Variants in CYSLTR1 observed in about 807,000 individuals in gnomAD.
The protein encoded by CYSLTR1 is G-protein coupled receptor HG55.
Under a neutral mutation model 2.1 loss-of-function variants are expected in CYSLTR1, and 1 was observed. The ratio of observed to expected loss-of-function variants is 0.48; its 90% CI spans 0.17 to 2.28. The LOEUF (loss-of-function observed/expected upper bound fraction) is 2.28, where lower values mean the gene tolerates loss of function less well. Among genes scored for constraint, CYSLTR1 ranks in the 30% most tolerant of loss-of-function variants. The probability of loss-of-function intolerance (pLI) is 0.26; values close to 1 mark genes in which losing one functional copy is unlikely to be tolerated. For missense variants in CYSLTR1, 299 were observed against 250.1 expected, an observed-to-expected ratio of 1.20 and a Z score of -1.32; for synonymous variants, 110 against 89.6, an observed-to-expected ratio of 1.23 and a Z score of -1.28.
intron 1 of CYSLTR1, among the ~76,000 whole-genome samples, 155 bp from the exon 2 acceptor site, chrX:78,283,695 CCTT>C (rs754720502): frequency 4.4e-4 from 49 of 112,134 alleles, no homozygotes; most frequent in Non-Finnish European, 6.0e-4. Flanking sequence ...TTCTGTGTCT[CCTT>C]CTTTTTTCTC....
chrX:78,284,668 C>G (rs1251642472), intron 1 of CYSLTR1, among the ~76,000 whole-genome samples: 1 of 107,692 alleles, frequency 9.3e-6, no homozygotes, highest in African/African-American at 3.4e-5. Flanking sequence ...TCCCAAAGTG[C>G]TGGGACTGCA....
intron 1 of CYSLTR1, chrX:78,321,471 A>C (rs1386907085): frequency 9.1e-6 from 1 of 110,363 alleles, no homozygotes; most frequent in Non-Finnish European, 1.9e-5. Flanking sequence ...TGAGTGAATC[A>C]CCTGAGGTCG....
At chrX:78,293,555 TA>T (rs1443604198) in intron 1 of CYSLTR1, among the ~76,000 whole-genome samples, 1 of 112,005 alleles carries the variant, frequency 8.9e-6, no homozygotes, top group African/African-American at 3.2e-5. Flanking sequence ...TTCTCTTGGA[TA>T]ATACCCCGAA....
At chrX:78,275,204 T>A (rs1921525697) in intron 2 of CYSLTR1, among the ~76,000 whole-genome samples, 1 of 112,088 alleles carries the variant, frequency 8.9e-6, no homozygotes, top group South Asian at 3.7e-4. Context: ...AGAAATATCA[T>A]TTGACCAAGC....
intron 1 of CYSLTR1, among the ~76,000 whole-genome samples, chrX:78,303,419 T>TA (rs1315573693): frequency 9.2e-6 from 1 of 108,403 alleles, no homozygotes; most frequent in Non-Finnish European, 1.9e-5. Context: ...TTACAAAGGT[T>TA]TTTTTTTAAT....
intron 1 of CYSLTR1, among the ~76,000 whole-genome samples, chrX:78,301,639 T>C (rs757848620): frequency 1.5e-4 from 17 of 111,997 alleles, no homozygotes; most frequent in African/African-American, 5.5e-4. Context: ...ATTCAACAAG[T>C]CTCTTGGAAG....
intron 1 of CYSLTR1, among the ~76,000 whole-genome samples, chrX:78,304,502 A>G (rs1178899295): frequency 1.8e-5 from 2 of 111,561 alleles, no homozygotes; most frequent in Non-Finnish European, 3.8e-5. Flanking sequence ...GCTGGAATTT[A>G]ACAAAGAGTC....
rs947030064 is a variant in CYSLTR1 at position 78,286,576 on chromosome X, T to G, written c.-114-3036A>C. Among the ~76,000 whole-genome samples, 11 of 110,050 alleles carry G rather than the reference T, an allele frequency of 1.0e-4. No individual in the cohort carries two copies. In the Middle Eastern group the frequency reaches 0.018, roughly 184 times the overall value. On this transcript the variant is annotated intron_variant, in intron 1 of 2. Transcript: ENST00000373304. ...GTTAGTTACATATGTATACATGTGC[T>G]ATGCTGGTGTGCTGCACCCGTTAAC...
intron 2 of CYSLTR1, among the ~76,000 whole-genome samples, chrX:78,274,161 A>C (rs756012088): frequency 9.0e-6 from 1 of 111,520 alleles, no homozygotes; most frequent in Non-Finnish European, 1.9e-5. Context: ...GAATATATCT[A>C]TATTTATACC....
chrX:78,323,729 A>G (rs1923753801), intron 1 of CYSLTR1, among the ~76,000 whole-genome samples: 2 of 111,835 alleles, frequency 1.8e-5, no homozygotes, highest in Admixed American at 1.9e-4. Flanking sequence ...AAATAAAAGA[A>G]TGCCCAAATG....
At chrX:78,296,512 A>G (rs1302723229) in intron 1 of CYSLTR1, among the ~76,000 whole-genome samples, 2 of 111,803 alleles carry the variant, frequency 1.8e-5, no homozygotes, top group Non-Finnish European at 3.8e-5. Flanking sequence ...AAAAATATTG[A>G]TTATTCCAAA....
At chrX:78,292,886 G>A (rs1922413720) in intron 1 of CYSLTR1, among the ~76,000 whole-genome samples, 1 of 108,734 alleles carries the variant, frequency 9.2e-6, no homozygotes, top group Non-Finnish European at 1.9e-5. Context: ...ACGTGAGATG[G>A]GTCTCCTGAA....
chrX:78,275,590 G>A (rs1921550167), intron 2 of CYSLTR1, among the ~76,000 whole-genome samples: 1 of 98,580 alleles, frequency 1.0e-5, no homozygotes, highest in Non-Finnish European at 2.0e-5. Context: ...ATGGGGTGAG[G>A]GGAGGGGGGA....
chrX:78,312,027 A>T (rs1267093427), intron 1 of CYSLTR1, among the ~76,000 whole-genome samples: 1 of 111,997 alleles, frequency 8.9e-6, no homozygotes, highest in African/African-American at 3.2e-5. Flanking sequence ...TACCAAAGCA[A>T]TTGTAAGCAA....
intron 2 of CYSLTR1, among the ~76,000 whole-genome samples, chrX:78,274,644 A>ATT (rs1921490657): frequency 9.0e-6 from 1 of 110,889 alleles, no homozygotes; most frequent in Admixed American, 9.7e-5. Flanking sequence ...AAACCTAGGC[A>ATT]TTACCATTCA....
intron 2 of CYSLTR1, among the ~76,000 whole-genome samples, chrX:78,275,569 C>T (rs1055923511): frequency 4.3e-5 from 4 of 92,831 alleles, no homozygotes; most frequent in Non-Finnish European, 6.3e-5. Flanking sequence ...CATCACACAC[C>T]GGGGCCTGTC....
At position 78,271,545 on chromosome X, in the gene CYSLTR1, C is replaced by T. The variant is rs1921258551; in HGVS notation, c.*1188G>A. ...CAAACTTAAAGGACACACTACACTTCAGCAAAAGCTTGTCCACGCATATTA... is the reference window on the plus strand; with the variant it reads ...CAAACTTAAAGGACACACTACACTTTAGCAAAAGCTTGTCCACGCATATTA... On this transcript the variant is annotated 3_prime_UTR_variant, in exon 3 of 3. Transcript: ENST00000373304. 1 of 111,813 alleles carries T rather than the reference C, an allele frequency of 8.9e-6. No homozygotes were observed. Among genetic ancestry groups the T allele is most frequent in the Non-Finnish European group, 1.9e-5 (1 of 53,156 alleles). The allele number at this position is 111,813 out of a possible 1,213,427, so 9.2% of individuals were successfully genotyped here. A position where few individuals can be genotyped will look rare whatever the true frequency, so the allele number is the denominator to read the frequency against.
At chrX:78,284,915 T>C (rs1921995558) in intron 1 of CYSLTR1, among the ~76,000 whole-genome samples, 1 of 111,463 alleles carries the variant, frequency 9.0e-6, no homozygotes, top group South Asian at 3.7e-4. Context: ...TTCTCCACTT[T>C]CTTCTCCCTC....
Position 78,281,292 on chromosome X carries a change from G to A in CYSLTR1, c.-28+2162C>T, listed in dbSNP as rs1484659955. Among the ~76,000 whole-genome samples the A allele has an allele frequency of 6.5e-5, 7 of 107,077 alleles. No homozygotes were observed. The Admixed American group carries it at 7.0e-4, about 11-fold the overall frequency. 93.0% of individuals were successfully genotyped at this position (107,077 alleles called of 115,157 possible). The stretch of plus-strand genomic sequence containing the variant: ...TAATTTTTTTTTTTTTTTGAGACAG[G>A]GTCTCACTCTGTCACCTGGGCTGGA... On this transcript the variant is annotated intron_variant, in intron 2 of 2. Coordinates refer to ENST00000373304, the MANE Select transcript of CYSLTR1 (RefSeq NM_006639.4).
Sources: allele counts gnomAD v4.1 joint callset (sites outside exome capture counted in the v4.1 genomes callset), GRCh38; gene constraint gnomAD v4.1.1; transcripts MANE v1.5; gene names NCBI Gene and HGNC (gene_info 2026-07-23, HGNC 2026-07-21).